The following PAPPA2 variants were observed in gnomAD, a reference collection of about 807,000 sequenced individuals.
The protein encoded by PAPPA2 is pappalysin 2.
A neutral mutation model predicts 176.4 loss-of-function variants in PAPPA2; 86 were observed. That is an observed-to-expected ratio of 0.49 (90% CI 0.41 to 0.58). The LOEUF (loss-of-function observed/expected upper bound fraction) is 0.58, where lower values mean the gene tolerates loss of function less well. PAPPA2 is among the 20% of genes least tolerant of loss of function. PAPPA2 has a pLI of 0.00. For missense variants in PAPPA2, 2,073 were observed against 2,256.9 expected (o/e 0.92, Z 1.65); for synonymous variants, 809 against 852.2 (o/e 0.95, Z 0.88).
chr1:176,723,594 A>G (rs1661726496), intron 12 of PAPPA2, among the ~76,000 whole-genome samples: 1 of 152,094 alleles, frequency 6.6e-6, no homozygotes, highest in Non-Finnish European at 1.5e-5. Context: ...AGTAATTCAG[A>G]GACAAATTTA....
At chr1:176,657,800 A>G (rs1253794037) in intron 3 of PAPPA2, among the ~76,000 whole-genome samples, 5 of 151,968 alleles carry the variant, frequency 3.3e-5, no homozygotes, top group Non-Finnish European at 7.4e-5. Context: ...AATTTAGAAA[A>G]TATTAACATA....
chr1:176,585,640 T>C (rs578027468), intron 2 of PAPPA2, among the ~76,000 whole-genome samples: 1 of 152,266 alleles, frequency 6.6e-6, no homozygotes, highest in South Asian at 2.1e-4. Context: ...CACTTACTGA[T>C]GTTTCATACA....
rs1363147614 is a variant in PAPPA2 at position 176,560,274 on chromosome 1, T to C, written c.919+3033T>C. Among the ~76,000 whole-genome samples, 3 of 152,134 alleles carry C rather than the reference T, an allele frequency of 2.0e-5. No homozygotes were observed. The East Asian group carries it at 5.8e-4, about 29-fold the overall frequency. On this transcript the variant is annotated intron_variant, in intron 2 of 22. Transcript: ENST00000367662. ...AAAGAAAATCAACTAAAGTTTCCCC[T>C]CTCCCTCCCCCACTCCAAACTCCCA...
rs1219474148 is a variant in PAPPA2 at position 176,699,463 on chromosome 1, C to A, written c.3110C>A (p.Thr1037Asn). 6.2e-7 allele frequency: 1 copy of A among 1,614,020 alleles called. No homozygotes were observed. The highest frequency in any genetic ancestry group is 8.5e-7 in the Non-Finnish European group (1 of 1,180,036). ...ATAGAGATTGATGCAGCACTCCTGACTTCTCAGCCCCACAGTCCCTTGTGC... is the reference window on the plus strand; with the variant it reads ...ATAGAGATTGATGCAGCACTCCTGAATTCTCAGCCCCACAGTCCCTTGTGC... Reference protein sequence around the residue: ...ERIEIDAALLTSQPHSPLCSG... With the variant: ...ERIEIDAALLNSQPHSPLCSG... Residue 1037 changes from threonine (T) to asparagine (N), a missense_variant, in exon 8 of 23, where the codon ACT (threonine) becomes AAT (asparagine). This residue lies in a region of PAPPA2 where 1,196 missense variants were observed against 1,330.4 expected (regional missense o/e 0.90). Coordinates refer to ENST00000367662, the MANE Select transcript of PAPPA2 (RefSeq NM_020318.3).
At chr1:176,487,769 A>C (rs1456105962) in intron 1 of PAPPA2, among the ~76,000 whole-genome samples, 1 of 152,214 alleles carries the variant, frequency 6.6e-6, no homozygotes, top group Non-Finnish European at 1.5e-5. Flanking sequence ...GTTTAGAGTC[A>C]AGTAGGGGTC....
At chr1:176,659,075 T>C (rs1336224057) in intron 3 of PAPPA2, among the ~76,000 whole-genome samples, 1 of 151,958 alleles carries the variant, frequency 6.6e-6, no homozygotes, top group African/African-American at 2.4e-5. Context: ...TTTTATAGCA[T>C]GAATAAAAAA....
At chr1:176,528,270 G>A (rs1051875853) in intron 1 of PAPPA2, among the ~76,000 whole-genome samples, 3 of 152,160 alleles carry the variant, frequency 2.0e-5, no homozygotes, top group African/African-American at 4.8e-5. Flanking sequence ...ATACTCTCCT[G>A]AGATTTTTGA....
At chr1:176,765,973 C>A in intron 15 of PAPPA2, 136 bp downstream of exon 15, 2 of 1,024,108 alleles carry the variant, frequency 2.0e-6, no homozygotes, top group Non-Finnish European at 2.8e-6. Context: ...CTCTAACAAG[C>A]AGAGAGAATG....
At chr1:176,777,691 A>G (rs1212903450) in intron 17 of PAPPA2, among the ~76,000 whole-genome samples, 1 of 152,104 alleles carries the variant, frequency 6.6e-6, no homozygotes, top group Non-Finnish European at 1.5e-5. Flanking sequence ...CATTATTCTA[A>G]TTTACAGGAT....
At chr1:176,574,557 T>G (rs772696106) in intron 2 of PAPPA2, among the ~76,000 whole-genome samples, 3 of 152,162 alleles carry the variant, frequency 2.0e-5, no homozygotes, top group Non-Finnish European at 4.4e-5. Flanking sequence ...TGGGTCTAGA[T>G]CAAGGCTTAG....
intron 1 of PAPPA2, among the ~76,000 whole-genome samples, chr1:176,506,687 A>C (rs926167791): frequency 3.3e-5 from 5 of 152,050 alleles, no homozygotes; most frequent in African/African-American, 1.2e-4. Flanking sequence ...CTACTAATTT[A>C]TGTGCATTGA....
At chr1:176,568,615 T>C (rs1020155492) in intron 2 of PAPPA2, among the ~76,000 whole-genome samples, 4 of 152,174 alleles carry the variant, frequency 2.6e-5, no homozygotes, top group African/African-American at 9.7e-5. Context: ...CTCACATCCA[T>C]TGCTTGTCCT....
chr1:176,722,135 C>A (rs988673148), intron 12 of PAPPA2, among the ~76,000 whole-genome samples: 1 of 152,092 alleles, frequency 6.6e-6, no homozygotes, highest in African/African-American at 2.4e-5. Context: ...TATTTAAAAA[C>A]ATATTAATCA....
At chr1:176,651,080 A>G (rs985223128) in intron 3 of PAPPA2, among the ~76,000 whole-genome samples, 2 of 151,748 alleles carry the variant, frequency 1.3e-5, no homozygotes, top group African/African-American at 4.8e-5. Flanking sequence ...TAAAACTTAT[A>G]AACTCTTATT....
At chr1:176,655,545 G>A (rs1405063144) in intron 3 of PAPPA2, among the ~76,000 whole-genome samples, 1 of 151,730 alleles carries the variant, frequency 6.6e-6, no homozygotes, top group Non-Finnish European at 1.5e-5. Flanking sequence ...CTTATCATGA[G>A]CAAAATGCAC....
At chr1:176,584,643 T>A (rs1037523411) in intron 2 of PAPPA2, among the ~76,000 whole-genome samples, 1 of 152,164 alleles carries the variant, frequency 6.6e-6, no homozygotes, top group Non-Finnish European at 1.5e-5. Flanking sequence ...TTCTCATTGT[T>A]TTGTATATTC....
intron 8 of PAPPA2, among the ~76,000 whole-genome samples, chr1:176,700,742 G>T (rs911858326): frequency 6.6e-6 from 1 of 152,130 alleles, no homozygotes; most frequent in Non-Finnish European, 1.5e-5. Context: ...AATGGGTGGC[G>T]AAATAAACCC....
At chr1:176,821,331 A>G (rs1178227996) in intron 21 of PAPPA2, among the ~76,000 whole-genome samples, 2 of 152,216 alleles carry the variant, frequency 1.3e-5, no homozygotes, top group Admixed American at 6.5e-5. Flanking sequence ...TCCTAATTCC[A>G]TGGAGAAAGT....
intron 22 of PAPPA2, among the ~76,000 whole-genome samples, chr1:176,842,037 T>C (rs1158068676): frequency 6.6e-6 from 1 of 152,190 alleles, no homozygotes; most frequent in African/African-American, 2.4e-5. Flanking sequence ...TTTTTAGATA[T>C]GAGTGGTAAT....
Sources: allele counts gnomAD v4.1 joint callset (sites outside exome capture counted in the v4.1 genomes callset), GRCh38; gene constraint gnomAD v4.1.1; regional missense constraint gnomAD v4.1.1; transcripts MANE v1.5; gene names NCBI Gene and HGNC (gene_info 2026-07-23, HGNC 2026-07-21).